AKAP7: variants seen among roughly 807,000 people sequenced by gnomAD.
AKAP7 encodes A kinase (PRKA) anchor protein 7.
A neutral mutation model predicts 39.5 loss-of-function variants in AKAP7; 39 were observed. That is an observed-to-expected ratio of 0.99 (90% CI 0.76 to 1.29). AKAP7 has a LOEUF of 1.29. Among genes scored for constraint, AKAP7 ranks in the 50% most tolerant of loss-of-function variants. AKAP7 has a pLI of 0.00. For missense variants in AKAP7, 414 were observed against 407.7 expected (o/e 1.02, Z -0.13); for synonymous variants, 140 against 139.1 (o/e 1.01, Z -0.05).
At chr6:131,132,608 C>T (rs995344609), upstream of AKAP7, among the ~76,000 whole-genome samples, 1 of 152,148 alleles carries the variant, frequency 6.6e-6, no homozygotes, top group Non-Finnish European at 1.5e-5. Context: ...AACACCCCAC[C>T]GAGATTTTGA....
chr6:131,232,761 T>A (rs1264448531), intron 7 of AKAP7, among the ~76,000 whole-genome samples: 1 of 152,042 alleles, frequency 6.6e-6, no homozygotes, highest in Non-Finnish European at 1.5e-5. Context: ...CACCGCACTC[T>A]AGTTTGAGGG....
intron 7 of AKAP7, among the ~76,000 whole-genome samples, chr6:131,256,667 A>G (rs1481523928): frequency 6.6e-6 from 1 of 151,890 alleles, no homozygotes; most frequent in Non-Finnish European, 1.5e-5. Context: ...GCTTTTGGCT[A>G]ATAAAAGAAA....
At chr6:131,200,395 G>C (rs536239439) in intron 6 of AKAP7, among the ~76,000 whole-genome samples, 1 of 152,290 alleles carries the variant, frequency 6.6e-6, no homozygotes, top group South Asian at 2.1e-4. Context: ...TTTTGGAGAT[G>C]GGCATGCAGA....
intron 5 of AKAP7, among the ~76,000 whole-genome samples, chr6:131,173,237 T>C (rs1804255467): frequency 1.3e-5 from 2 of 152,006 alleles, no homozygotes; most frequent in Admixed American, 1.3e-4. Flanking sequence ...AAAATTCTTT[T>C]TAATTTTAAT....
At chr6:131,260,272 C>T (rs111803804) in intron 7 of AKAP7, among the ~76,000 whole-genome samples, 27 of 152,038 alleles carry the variant, frequency 1.8e-4, no homozygotes, top group African/African-American at 5.8e-4. Flanking sequence ...CATACGTGTG[C>T]GTGTATCTTT....
At chr6:131,259,231 TTTGA>T (rs1813110748) in intron 7 of AKAP7, among the ~76,000 whole-genome samples, 2 of 152,180 alleles carry the variant, frequency 1.3e-5, no homozygotes, top group Non-Finnish European at 2.9e-5. Flanking sequence ...CTTTTCAGGA[TTTGA>T]TTGATAGCTG....
At chr6:131,168,243 T>A (rs1803692452) in intron 4 of AKAP7, among the ~76,000 whole-genome samples, 1 of 151,790 alleles carries the variant, frequency 6.6e-6, no homozygotes, top group South Asian at 2.1e-4. Context: ...GGGACCTCTC[T>A]ATAAATAATT....
chr6:131,166,663 A>G (rs1044056858), intron 4 of AKAP7, among the ~76,000 whole-genome samples: 4 of 152,118 alleles, frequency 2.6e-5, no homozygotes, highest in African/African-American at 9.7e-5. Flanking sequence ...GTCCACCCCT[A>G]TTCTGGAGGG....
chr6:131,168,823 A>G (rs950902943), intron 4 of AKAP7, among the ~76,000 whole-genome samples: 3 of 152,198 alleles, frequency 2.0e-5, no homozygotes, highest in Non-Finnish European at 4.4e-5. Flanking sequence ...AGTTGTTCAT[A>G]TAATATTTCA....
chr6:131,215,439 T>C (rs1809082441), intron 6 of AKAP7, among the ~76,000 whole-genome samples: 1 of 152,208 alleles, frequency 6.6e-6, no homozygotes, highest in African/African-American at 2.4e-5. Context: ...TTTCCCTCCC[T>C]GTCAAGAACA....
chr6:131,208,124 C>CT (rs1808305209), intron 6 of AKAP7, among the ~76,000 whole-genome samples: 1 of 152,076 alleles, frequency 6.6e-6, no homozygotes, highest in African/African-American at 2.4e-5. Context: ...CTGAGATACT[C>CT]TAGATTACAT....
chr6:131,193,593 C>T (rs1381913957), intron 5 of AKAP7, among the ~76,000 whole-genome samples: 1 of 151,994 alleles, frequency 6.6e-6, no homozygotes, highest in Admixed American at 6.6e-5. Flanking sequence ...GAAGTATTCC[C>T]TCCCCTCTAT....
chr6:131,128,418 A>G, the AKAP7 span, among the ~76,000 whole-genome samples: 1 of 152,252 alleles, frequency 6.6e-6, no homozygotes, highest in Non-Finnish European at 1.5e-5. Flanking sequence ...TTATAAGCAT[A>G]TAGATTTGCA....
At chr6:131,275,393 G>A (rs906576240) in intron 7 of AKAP7, among the ~76,000 whole-genome samples, 1 of 152,194 alleles carries the variant, frequency 6.6e-6, no homozygotes, top group Non-Finnish European at 1.5e-5. Flanking sequence ...TTTCAAACCT[G>A]AATGTATGTT....
chr6:131,139,804 C>G (rs546837213), intron 1 of AKAP7, among the ~76,000 whole-genome samples: 1 of 152,324 alleles, frequency 6.6e-6, no homozygotes, highest in African/African-American at 2.4e-5. Flanking sequence ...TGATGGAGTG[C>G]AGTTATAGGA....
chr6:131,223,303 G>T (rs1809865427), intron 7 of AKAP7, among the ~76,000 whole-genome samples: 1 of 152,110 alleles, frequency 6.6e-6, no homozygotes, highest in African/African-American at 2.4e-5. Flanking sequence ...CTCCAAATCA[G>T]CTGGAAGAAC....
intron 5 of AKAP7, among the ~76,000 whole-genome samples, chr6:131,173,200 C>CAAAAAAAA (rs67550717): frequency 9.2e-6 from 1 of 108,932 alleles, no homozygotes; most frequent in African/African-American, 3.5e-5. Context: ...GACTCCATCT[C>CAAAAAAAA]AAAAAAAAAA....
At chr6:131,209,014 A>G (rs1470985316) in intron 6 of AKAP7, among the ~76,000 whole-genome samples, 1 of 152,212 alleles carries the variant, frequency 6.6e-6, no homozygotes, top group Non-Finnish European at 1.5e-5. Context: ...AAGGTACACC[A>G]CAGGTGGGGC....
At chr6:131,134,719 G>A (rs536462443), upstream of AKAP7, among the ~76,000 whole-genome samples, 2 of 152,226 alleles carry the variant, frequency 1.3e-5, no homozygotes, top group South Asian at 2.1e-4. Flanking sequence ...CAGCCTTTAC[G>A]CCAGCTGTTG....
Sources: gnomAD v4.1 joint callset for allele counts (sites outside exome capture counted in the v4.1 genomes callset) on GRCh38, gnomAD v4.1.1 for gene constraint, MANE v1.5 for transcripts, NCBI Gene and HGNC (gene_info 2026-07-23, HGNC 2026-07-21) for gene names.